Variants in MYO16 observed in about 807,000 individuals in gnomAD.
MYO16 encodes myosin XVI.
MYO16 carries 94 observed loss-of-function variants against 205.3 expected under a neutral mutation model. The observed-to-expected ratio is 0.46, with a 90% CI of 0.39 to 0.54. MYO16 has a LOEUF of 0.54. Ranked by LOEUF, MYO16 falls within the 20% of genes least tolerant of loss-of-function variation. MYO16 has a pLI of 0.00. For synonymous variants in MYO16, 988 were observed against 954.0 expected (o/e 1.04, Z -0.66); for missense variants, 2,315 against 2,387.5 (o/e 0.97, Z 0.63).
At chr13:108,997,199 G>C (rs903483154) in intron 21 of MYO16, among the ~76,000 whole-genome samples, 6 of 151,880 alleles carry the variant, frequency 4.0e-5, no homozygotes, top group Non-Finnish European at 8.8e-5. Flanking sequence ...AATGAGACAT[G>C]AATATCGTTT....
intron 13 of MYO16, among the ~76,000 whole-genome samples, chr13:108,887,067 T>C (rs1879934904): frequency 6.6e-6 from 1 of 152,188 alleles, no homozygotes. Flanking sequence ...GTGTCAGTTG[T>C]GTCCCAGAAC....
In MYO16 at chr13:109,206,803, G is replaced by A. The variant is rs755159468; in HGVS notation, c.5610G>A (p.Arg1870=). 9.9e-6 allele frequency: 16 copies of A among 1,614,132 alleles called. No individual in the cohort carries two copies. Among genetic ancestry groups the A allele is most frequent in the Non-Finnish European group, 1.4e-5 (16 of 1,180,010 alleles). Residue 1870 remains arginine (R), a synonymous_variant, in exon 35 of 35, where the codon AGG becomes AGA. Coordinates refer to ENST00000457511, the MANE Select transcript of MYO16 (RefSeq NM_001198950.3). ...AGCCGGAAGGGGCCTCCTGCAACAG[G>A]CTGCCGTCTGAGCTCTGGGACACCA... ...LKKPEGASCN[R]LPSELWDTTI
In MYO16 at chr13:109,206,987, CGTGTGT is replaced by C. The variant is rs111750738; in HGVS notation, c.*164_*169del. On this transcript the variant is annotated 3_prime_UTR_variant, in exon 35 of 35. Coordinates refer to ENST00000457511, the MANE Select transcript of MYO16 (RefSeq NM_001198950.3). ...CACAGACACTAAATATATGAGATCC[CGTGTGT>C]GTGTGTGTGTGTTTGTGTGTGTGTG... 5.2e-6 allele frequency: 3 copies of C among 571,664 alleles called. No homozygotes were observed. Among genetic ancestry groups the C allele is most frequent in the Admixed American group, 3.1e-5 (1 of 32,254 alleles). The allele number at this position is 571,664 out of a possible 1,614,324, so 35.4% of individuals were successfully genotyped here.
At chr13:108,805,925 A>AAAAT (rs113156198) in intron 6 of MYO16, among the ~76,000 whole-genome samples, 2,102 of 137,056 alleles carry the variant, frequency 0.015, 30 homozygotes, top group East Asian at 0.034. Context: ...AGTCTCTACC[A>AAAAT]AAATAAATAA....
At chr13:108,755,502 A>G (rs1433190879) in intron 4 of MYO16, among the ~76,000 whole-genome samples, 1 of 151,970 alleles carries the variant, frequency 6.6e-6, no homozygotes, top group Non-Finnish European at 1.5e-5. Context: ...TAACATAATT[A>G]TTAACATCAA....
chr13:108,729,872 G>C (rs1884466663), intron 4 of MYO16, among the ~76,000 whole-genome samples: 1 of 152,206 alleles, frequency 6.6e-6, no homozygotes, highest in South Asian at 2.1e-4. Flanking sequence ...ACTGAGTCTA[G>C]ATCGTGGTAT....
chr13:108,820,161 T>G (rs1473105449), intron 7 of MYO16, among the ~76,000 whole-genome samples, 176 bp from the exon 8 acceptor site: 3 of 152,176 alleles, frequency 2.0e-5, no homozygotes, highest in African/African-American at 7.2e-5. Context: ...TGAAATAATT[T>G]GAGTATCTGA....
chr13:108,728,068 A>G (rs956758412), intron 4 of MYO16, among the ~76,000 whole-genome samples: 2 of 152,194 alleles, frequency 1.3e-5, no homozygotes, highest in African/African-American at 4.8e-5. Context: ...TTTTCAGTTA[A>G]TCTTACATCC....
rs1239822488 is a variant in MYO16 at position 108,665,980 on chromosome 13, A to T, written c.123A>T (p.Leu41=). The part of the protein sequence containing the change: ...ESLPLGQRQR[L]VKRMRCEQIK... The stretch of plus-strand genomic sequence containing the variant: ...TTCCCCTTGGCCAACGGCAGCGTCT[A>T]GTGAAGCGCATGCGCTGTGAGCAAA... Residue 41 remains leucine, a synonymous_variant, in exon 2 of 35, where the codon CTA becomes CTT. Coordinates refer to ENST00000457511, the MANE Select transcript of MYO16 (RefSeq NM_001198950.3). 1 of 1,614,154 alleles carries T rather than the reference A, an allele frequency of 6.2e-7. No homozygotes were observed. Among genetic ancestry groups the T allele is most frequent in the African/African-American group, 1.3e-5 (1 of 75,048 alleles).
chr13:108,759,965 G>T (rs1319757002), intron 4 of MYO16, among the ~76,000 whole-genome samples: 1 of 152,188 alleles, frequency 6.6e-6, no homozygotes, highest in Admixed American at 6.5e-5. Flanking sequence ...TTCTGGGGAT[G>T]CATGTGATAT....
At chr13:108,655,701 C>T (rs1448813478) in intron 1 of MYO16, among the ~76,000 whole-genome samples, 1 of 152,170 alleles carries the variant, frequency 6.6e-6, no homozygotes. Context: ...CCTGCAAAGC[C>T]ACAGGGGTGG....
intron 1 of MYO16, among the ~76,000 whole-genome samples, chr13:108,601,058 T>C (rs930138752): frequency 6.6e-6 from 1 of 152,048 alleles, no homozygotes; most frequent in African/African-American, 2.4e-5. Context: ...GCAGGTAGGG[T>C]GTTTTGACCC....
chr13:109,142,945 C>T lies in MYO16; in HGVS notation c.5164+1569C>T, dbSNP rs193109336. Among the ~76,000 whole-genome samples, 12 of 152,016 alleles carry T rather than the reference C, an allele frequency of 7.9e-5. No individual in the cohort carries two copies. The East Asian group carries it at 1.4e-3, about 17-fold the overall frequency. ...TCTTTACTTTGCTGGGTGTTTTTTCCGATTCTTTGTTCAAAACGCCAAGAA... is the reference window on the plus strand; with the variant it reads ...TCTTTACTTTGCTGGGTGTTTTTTCTGATTCTTTGTTCAAAACGCCAAGAA... On this transcript the variant is annotated intron_variant, in intron 32 of 34. Coordinates refer to ENST00000457511, the MANE Select transcript of MYO16 (RefSeq NM_001198950.3).
rs1163305044 is a variant in MYO16 at position 108,693,834 on chromosome 13, T to C, written c.293-18827T>C. ...GGTATAAAGCCTAGTACCTAGTAGC[T>C]GTTTTTTTGATTCTGTCCCTCTTGC... On this transcript the variant is annotated intron_variant, in intron 2 of 34. Coordinates refer to ENST00000457511, the MANE Select transcript of MYO16 (RefSeq NM_001198950.3). 1.3e-5 allele frequency among the ~76,000 whole-genome samples: 2 copies of C among 152,324 alleles called. 1 individual carries two copies. Among genetic ancestry groups the C allele is most frequent in the East Asian group, 3.9e-4 (2 of 5,180 alleles).
At chr13:108,739,415 T>C (rs1271660108) in intron 4 of MYO16, among the ~76,000 whole-genome samples, 2 of 152,212 alleles carry the variant, frequency 1.3e-5, no homozygotes, top group Middle Eastern at 3.2e-3. Context: ...TGGCTGGATA[T>C]GAAATTCTGG....
At chr13:108,832,394 A>G (rs1022191149) in intron 9 of MYO16, among the ~76,000 whole-genome samples, 2 of 151,782 alleles carry the variant, frequency 1.3e-5, no homozygotes, top group Non-Finnish European at 2.9e-5. Flanking sequence ...CACCCGCCTC[A>G]GCCTCCCAAA....
upstream of MYO16, among the ~76,000 whole-genome samples, chr13:108,594,966 AT>A (rs368670659): frequency 2.1e-4 from 32 of 152,298 alleles, no homozygotes; most frequent in East Asian, 6.0e-3. Flanking sequence ...TCAGTTATGG[AT>A]AACTTTTGCT....
chr13:109,117,998 A>G (rs542744026), intron 28 of MYO16, among the ~76,000 whole-genome samples: 2 of 152,232 alleles, frequency 1.3e-5, no homozygotes, highest in African/African-American at 2.4e-5. Context: ...CTGTGTCCAC[A>G]TAACTGTACC....
At chr13:108,684,131 C>T (rs1479940543) in intron 2 of MYO16, among the ~76,000 whole-genome samples, 2 of 152,210 alleles carry the variant, frequency 1.3e-5, no homozygotes, top group Non-Finnish European at 2.9e-5. Context: ...GCCTCGGCCT[C>T]CCGAAGTGCT....
Sources: allele counts gnomAD v4.1 joint callset (sites outside exome capture counted in the v4.1 genomes callset), GRCh38; gene constraint gnomAD v4.1.1; transcripts MANE v1.5; gene names NCBI Gene and HGNC (gene_info 2026-07-23, HGNC 2026-07-21).